The following DCUN1D1 variants were observed in gnomAD, a reference collection of about 807,000 sequenced individuals.
DCUN1D1 encodes the protein DCN1-like protein 1.
A neutral mutation model predicts 39.0 loss-of-function variants in DCUN1D1; 3 were observed. The ratio of observed to expected loss-of-function variants is 0.08; its 90% CI spans 0.04 to 0.20. The LOEUF is 0.20. Among genes scored for constraint, DCUN1D1 ranks in the 10% least tolerant of loss-of-function variants. The pLI is 1.00. For missense variants in DCUN1D1, 158 were observed against 302.4 expected (o/e 0.52, Z 3.54); for synonymous variants, 82 against 96.3 (o/e 0.85, Z 0.87).
At chr3:182,973,042 C>CA (rs200893514) in intron 1 of DCUN1D1, among the ~76,000 whole-genome samples, 6 of 146,052 alleles carry the variant, frequency 4.1e-5, no homozygotes, top group South Asian at 4.3e-4. Flanking sequence ...AACTCCGTCT[C>CA]AAAAAAAAAG....
chr3:182,962,925 C>T (rs1294375615), intron 3 of DCUN1D1, among the ~76,000 whole-genome samples: 1 of 152,156 alleles, frequency 6.6e-6, no homozygotes, highest in Non-Finnish European at 1.5e-5. Flanking sequence ...GGATTACAGG[C>T]ATGTGCCACT....
chr3:182,955,462 A>G (rs1577170795), intron 4 of DCUN1D1: 1 of 539,878 alleles, frequency 1.9e-6, no homozygotes, highest in East Asian at 5.0e-5. Context: ...ACGTTATGAG[A>G]TAAGAATCCT....
chr3:182,956,520 G>A (rs913976645), intron 4 of DCUN1D1, among the ~76,000 whole-genome samples: 2 of 152,170 alleles, frequency 1.3e-5, no homozygotes, highest in African/African-American at 4.8e-5. Context: ...CTGGCTATGA[G>A]TTTCCTCATC....
At chr3:182,951,770 C>T (rs2108630916) in intron 4 of DCUN1D1, among the ~76,000 whole-genome samples, 1 of 149,350 alleles carries the variant, frequency 6.7e-6, no homozygotes, top group African/African-American at 2.5e-5. Flanking sequence ...GATCCCTGCT[C>T]ACCACAACCT....
intron 4 of DCUN1D1, among the ~76,000 whole-genome samples, chr3:182,957,451 T>A (rs1265254904): frequency 6.6e-6 from 1 of 151,478 alleles, no homozygotes; most frequent in African/African-American, 2.4e-5. Flanking sequence ...ACACGGTGAG[T>A]CCTTATCTCT....
chr3:182,970,823 G>A (rs1208974624), intron 1 of DCUN1D1, among the ~76,000 whole-genome samples: 2 of 152,164 alleles, frequency 1.3e-5, no homozygotes, highest in Non-Finnish European at 2.9e-5. Context: ...AGCAGACATA[G>A]CAAAACGTTA....
chr3:182,967,159 T>TATATATATATATATATATATATA (rs1727714739), intron 1 of DCUN1D1, among the ~76,000 whole-genome samples: 3 of 147,302 alleles, frequency 2.0e-5, no homozygotes, highest in African/African-American at 7.6e-5. Context: ...TATATATATA[T>TATATATATATATATATATATATA]TTTCTGTGGT....
intron 4 of DCUN1D1, among the ~76,000 whole-genome samples, chr3:182,947,945 AC>A (rs1246213438): frequency 2.6e-5 from 4 of 152,194 alleles, no homozygotes; most frequent in Non-Finnish European, 4.4e-5. Context: ...GTTACTGTAC[AC>A]CAGGGTTTCT....
chr3:182,960,869 G>A (rs1407039901), intron 4 of DCUN1D1, among the ~76,000 whole-genome samples: 1 of 152,126 alleles, frequency 6.6e-6, no homozygotes. Flanking sequence ...AAATCTTATA[G>A]TGCTATTTCT....
intron 4 of DCUN1D1, among the ~76,000 whole-genome samples, chr3:182,953,845 C>T (rs968532451): frequency 1.3e-5 from 2 of 152,064 alleles, no homozygotes; most frequent in East Asian, 1.9e-4. Context: ...TAAGTCCTTA[C>T]GGTAAAATGT....
At chr3:182,970,829 C>G (rs189525203) in intron 1 of DCUN1D1, among the ~76,000 whole-genome samples, 328 of 152,270 alleles carry the variant, frequency 2.2e-3, no homozygotes, top group Middle Eastern at 3.4e-3. Flanking sequence ...CATAGCAAAA[C>G]GTTACCAATA....
intron 1 of DCUN1D1, among the ~76,000 whole-genome samples, chr3:182,979,286 A>G (rs1728395237): frequency 6.6e-6 from 1 of 152,216 alleles, no homozygotes; most frequent in Non-Finnish European, 1.5e-5. Flanking sequence ...AATACTGCCA[A>G]GCTGGAGGAT....
At chr3:182,970,813 A>G (rs1304198189) in intron 1 of DCUN1D1, among the ~76,000 whole-genome samples, 1 of 152,254 alleles carries the variant, frequency 6.6e-6, no homozygotes, top group Non-Finnish European at 1.5e-5. Flanking sequence ...CACGGTATTC[A>G]GCAGACATAG....
chr3:182,963,691 G>T (rs1005098469), intron 3 of DCUN1D1, among the ~76,000 whole-genome samples, 190 bp downstream of exon 3: 2 of 152,090 alleles, frequency 1.3e-5, no homozygotes, highest in Non-Finnish European at 2.9e-5. Flanking sequence ...AATAGAATAG[G>T]CTGTACTAAC....
intron 1 of DCUN1D1, among the ~76,000 whole-genome samples, chr3:182,973,155 C>T (rs996630501): frequency 2.0e-5 from 3 of 152,032 alleles, no homozygotes; most frequent in African/African-American, 7.2e-5. Context: ...GTATAGAACC[C>T]TATATATACA....
chr3:182,977,133 T>C (rs1560183551), intron 1 of DCUN1D1, among the ~76,000 whole-genome samples: 1 of 152,240 alleles, frequency 6.6e-6, no homozygotes, highest in Non-Finnish European at 1.5e-5. Context: ...AATGTAATTT[T>C]CTGGATTTCA....
At chr3:182,976,444 TACACACACACAC>T (rs59465164) in intron 1 of DCUN1D1, among the ~76,000 whole-genome samples, 2,017 of 140,734 alleles carry the variant, frequency 0.014, 15 homozygotes, top group Non-Finnish European at 0.019. Context: ...TATACATACA[TACACACACACAC>T]ACACACACAC....
chr3:182,968,713 C>T (rs1727790592), intron 1 of DCUN1D1, among the ~76,000 whole-genome samples: 2 of 152,070 alleles, frequency 1.3e-5, no homozygotes, highest in Admixed American at 6.5e-5. Context: ...GATTCTCCTG[C>T]CTCAGCCTCC....
chr3:182,964,199 T>A, intron 2 of DCUN1D1, 150 bp from the exon 3 acceptor site: 1 of 592,158 alleles, frequency 1.7e-6, no homozygotes, highest in South Asian at 2.4e-5. Context: ...ACTTTCCCAT[T>A]ATTTAAAGCC....
Sources: gnomAD v4.1 joint callset for allele counts (sites outside exome capture counted in the v4.1 genomes callset) on GRCh38, gnomAD v4.1.1 for gene constraint, MANE v1.5 for transcripts, NCBI Gene and HGNC (gene_info 2026-07-23, HGNC 2026-07-21) for gene names.